DAPK2: variants seen among roughly 807,000 people sequenced by gnomAD.
DAPK2 encodes the protein death associated protein kinase 2.
In DAPK2, 35 loss-of-function variants were observed where a neutral mutation model predicts 44.1. The observed-to-expected ratio is 0.79, with a 90% CI of 0.61 to 1.05. The LOEUF (loss-of-function observed/expected upper bound fraction) is 1.05, where lower values mean the gene tolerates loss of function less well. Among genes scored for constraint, DAPK2 ranks in the 50% least tolerant of loss-of-function variants. The pLI, the probability that DAPK2 is intolerant of heterozygous loss-of-function variation, is 0.00. For synonymous variants in DAPK2, 174 were observed against 182.6 expected (o/e 0.95, Z 0.38); for missense variants, 453 against 483.2 (o/e 0.94, Z 0.59).
chr15:63,962,599 A>T (rs905372972), intron 3 of DAPK2, among the ~76,000 whole-genome samples: 5 of 152,114 alleles, frequency 3.3e-5, no homozygotes, highest in Non-Finnish European at 7.4e-5. Context: ...AGTCTGTTGG[A>T]GTTTGCTGGA....
chr15:63,941,666 A>T lies in DAPK2; in HGVS notation c.454-2305T>A, dbSNP rs1303689890. 4.0e-5 allele frequency among the ~76,000 whole-genome samples: 6 copies of T among 151,380 alleles called. No individual in the cohort carries two copies. In the East Asian group the frequency reaches 7.7e-4, roughly 20 times the overall value. On this transcript the variant is annotated intron_variant, in intron 3 of 10. Transcript: ENST00000261891. ...AAATAAATAACACATTTCCTTTTGC[A>T]TTTTTTTTGCTTTTTTATTCTTCTT...
chr15:64,038,539 C>G (rs540759073), intron 1 of DAPK2, among the ~76,000 whole-genome samples: 1 of 152,280 alleles, frequency 6.6e-6, no homozygotes, highest in South Asian at 2.1e-4. Flanking sequence ...AAGTCATTCC[C>G]CTCTGGGGTC....
At chr15:63,995,442 C>T (rs976683626) in intron 1 of DAPK2, among the ~76,000 whole-genome samples, 1 of 152,190 alleles carries the variant, frequency 6.6e-6, no homozygotes, top group African/African-American at 2.4e-5. Flanking sequence ...GGTTTATTGT[C>T]TAAAGAAGCT....
intron 1 of DAPK2, chr15:63,991,266 A>G (rs377630923): frequency 1.5e-5 from 7 of 456,338 alleles, no homozygotes; most frequent in East Asian, 6.9e-5. Context: ...CTAGATGGGC[A>G]TGACAGGAGT....
At chr15:64,036,319 GTATATATATATATATATACA>G (rs2080196363) in intron 1 of DAPK2, among the ~76,000 whole-genome samples, 1 of 56,660 alleles carries the variant, frequency 1.8e-5, no homozygotes, top group Admixed American at 2.7e-4. Context: ...GTATATATAT[GTATATATATATATATATACA>G]TATATATATA....
chr15:63,926,989 CT>C (rs770215997), intron 6 of DAPK2, among the ~76,000 whole-genome samples: 1 of 152,222 alleles, frequency 6.6e-6, no homozygotes, highest in Non-Finnish European at 1.5e-5. Context: ...GCAAGGTGCA[CT>C]GTACAAATTT....
intron 1 of DAPK2, among the ~76,000 whole-genome samples, chr15:63,986,762 T>A (rs1298935538): frequency 1.3e-5 from 2 of 152,210 alleles, no homozygotes; most frequent in Non-Finnish European, 2.9e-5. Flanking sequence ...CTCCTAGTGT[T>A]TAAGTCTCAC....
intron 10 of DAPK2, chr15:63,910,795 T>C (rs1015441485): frequency 2.0e-5 from 3 of 152,178 alleles, no homozygotes; most frequent in African/African-American, 7.2e-5. Flanking sequence ...TGGCCTTAAA[T>C]GAACCTCCCG....
Position 63,947,030 on chromosome 15 carries a change from G to A in DAPK2, c.454-7669C>T, listed in dbSNP as rs563973261. ...CTTCAGTGTGGCCCATGCCCAATAC[G>A]TGCCTCTGTGTGGCATTCAAGGCCC... On this transcript the variant is annotated intron_variant, in intron 3 of 10. Coordinates refer to ENST00000261891, the Ensembl canonical transcript of DAPK2. Among the ~76,000 whole-genome samples the A allele has an allele frequency of 4.0e-5, 6 of 149,394 alleles. No individual in the cohort carries two copies. The East Asian group carries it at 6.0e-4, about 15-fold the overall frequency.
intron 2 of DAPK2, among the ~76,000 whole-genome samples, chr15:63,975,124 C>G (rs1181831040): frequency 6.6e-6 from 1 of 152,112 alleles, no homozygotes; most frequent in Non-Finnish European, 1.5e-5. Flanking sequence ...CTGACAGAAG[C>G]TGGGGTATCC....
intron 1 of DAPK2, among the ~76,000 whole-genome samples, chr15:64,016,845 AAGG>A (rs1439570444): frequency 4.8e-4 from 4 of 8,332 alleles, no homozygotes; most frequent in African/African-American, 7.1e-4. Context: ...GGAGGGAAGG[AAGG>A]AAGGAAGGAA....
At chr15:64,016,594 G>T (rs1386093378) in intron 1 of DAPK2, among the ~76,000 whole-genome samples, 1 of 152,142 alleles carries the variant, frequency 6.6e-6, no homozygotes. Context: ...AGGAGTTCAA[G>T]ACCAGCCTAG....
At chr15:64,045,141 G>T (rs2080431708), upstream of DAPK2, among the ~76,000 whole-genome samples, 1 of 152,294 alleles carries the variant, frequency 6.6e-6, no homozygotes, top group East Asian at 1.9e-4. Context: ...TCAAGGAGGT[G>T]GGCAGGGTCA....
chr15:63,930,430 G>A (rs570879131), exon 5 of DAPK2: 2 of 1,614,186 alleles, frequency 1.2e-6, no homozygotes, highest in South Asian at 2.2e-5. Context: ...CCAGACCCAG[G>A]GGCTCGTAGT....
intron 1 of DAPK2, among the ~76,000 whole-genome samples, chr15:64,000,921 C>G (rs1407791143): frequency 6.6e-6 from 1 of 152,004 alleles, no homozygotes; most frequent in Middle Eastern, 3.2e-3. Context: ...CTCTTGTCAC[C>G]GAGGCTGGAG....
At chr15:63,922,882 C>G (rs1347499649) in intron 8 of DAPK2, 11 of 1,535,796 alleles carry the variant, frequency 7.2e-6, no homozygotes, top group Non-Finnish European at 9.6e-6. Flanking sequence ...GCTCCTGAAT[C>G]CACTGCAGGT....
chr15:64,025,991 G>A (rs954129195), intron 1 of DAPK2, among the ~76,000 whole-genome samples: 2 of 152,208 alleles, frequency 1.3e-5, no homozygotes, highest in Admixed American at 6.5e-5. Flanking sequence ...GATTTTGGCT[G>A]TAGGGCTATA....
intron 1 of DAPK2, 67 bp downstream of exon 2, chr15:64,040,103 A>C: frequency 7.7e-7 from 1 of 1,291,970 alleles, no homozygotes; most frequent in Non-Finnish European, 1.1e-6. Flanking sequence ...ACCAACTGAC[A>C]ACTGTGCCAG....
rs928796354 is a variant in DAPK2, at chr15:63,966,500, T to G, written c.453+4923A>C. Among the ~76,000 whole-genome samples the G allele has an allele frequency of 6.6e-6, 1 of 152,294 alleles. No individual in the cohort carries two copies. Among genetic ancestry groups the G allele is most frequent in the Non-Finnish European group, 1.5e-5 (1 of 68,004 alleles). On this transcript the variant is annotated intron_variant, in intron 3 of 10. Coordinates refer to ENST00000261891, the Ensembl canonical transcript of DAPK2. This position sits in a 1 kb window ranked among gnomAD's most constrained non-coding sequence, Gnocchi z 5.5. ...CCAAGCACAGCACAGGACCAGGACTTGTCCAGGAATTGCAGTCCTTGTGGC... is the reference window on the plus strand; with the variant it reads ...CCAAGCACAGCACAGGACCAGGACTGGTCCAGGAATTGCAGTCCTTGTGGC...
Sources: allele counts gnomAD v4.1 joint callset (sites outside exome capture counted in the v4.1 genomes callset), GRCh38; gene constraint gnomAD v4.1.1; non-coding constraint Gnocchi (gnomAD v3.1); transcripts MANE v1.5; gene names NCBI Gene and HGNC (gene_info 2026-07-23, HGNC 2026-07-21).